The following RBFOX1 variants were observed in gnomAD, a reference collection of about 807,000 sequenced individuals.
RBFOX1 encodes the protein RNA binding protein fox-1 homolog 1.
In RBFOX1, 8 loss-of-function variants were observed where a neutral mutation model predicts 57.7. The ratio of observed to expected loss-of-function variants is 0.14; its 90% CI spans 0.08 to 0.25. The LOEUF (loss-of-function observed/expected upper bound fraction) is 0.25, where lower values mean the gene tolerates loss of function less well. Among genes scored for constraint, RBFOX1 ranks in the 10% least tolerant of loss-of-function variants. The pLI, the probability that RBFOX1 is intolerant of heterozygous loss-of-function variation, is 1.00. For missense variants in RBFOX1, 611 were observed against 548.5 expected, an observed-to-expected ratio of 1.11 and a Z score of -1.14; for synonymous variants, 326 against 222.4, an observed-to-expected ratio of 1.47 and a Z score of -4.15.
At chr16:6,421,685 A>G (rs930958214) in intron 2 of RBFOX1, among the ~76,000 whole-genome samples, 7 of 152,180 alleles carry the variant, frequency 4.6e-5, no homozygotes, top group Non-Finnish European at 7.3e-5. Flanking sequence ...GATCACACAC[A>G]CAAAAAATGA....
chr16:6,964,847 C>T (rs78836546), intron 3 of RBFOX1, among the ~76,000 whole-genome samples: 24,242 of 152,062 alleles, frequency 0.16, 2,307 homozygotes, highest in African/African-American at 0.26. Context: ...AATCCCTGCT[C>T]CCAGCTCCTT....
At chr16:6,992,177 T>C (rs892288374) in intron 3 of RBFOX1, among the ~76,000 whole-genome samples, 9 of 151,724 alleles carry the variant, frequency 5.9e-5, no homozygotes, top group African/African-American at 2.2e-4. Flanking sequence ...TTTTTTGTTT[T>C]TTTTGAGATG....
intron 4 of RBFOX1, among the ~76,000 whole-genome samples, chr16:5,951,403 G>A (rs2059517365): frequency 2.0e-5 from 3 of 152,096 alleles, no homozygotes; most frequent in African/African-American, 7.2e-5. Flanking sequence ...AGTCGAGATG[G>A]CACCACTGCA....
intron 3 of RBFOX1, among the ~76,000 whole-genome samples, chr16:6,997,751 T>C (rs2092392676): frequency 6.6e-6 from 1 of 152,212 alleles, no homozygotes; most frequent in Admixed American, 6.5e-5. Context: ...ATATTAACTT[T>C]GTTGTTCTCA....
chr16:6,566,854 A>G (rs1275700125), intron 2 of RBFOX1, among the ~76,000 whole-genome samples: 1 of 152,160 alleles, frequency 6.6e-6, no homozygotes, highest in African/African-American at 2.4e-5. Context: ...TGATATTGAG[A>G]TGCTAGATTT....
intron 2 of RBFOX1, among the ~76,000 whole-genome samples, chr16:6,613,655 A>C (rs1331591840): frequency 6.6e-6 from 1 of 152,240 alleles, no homozygotes; most frequent in East Asian, 1.9e-4. Context: ...TTGTAGAGTA[A>C]CATAAGTAGT....
chr16:7,037,112 T>A (rs574368465), intron 3 of RBFOX1, among the ~76,000 whole-genome samples: 1 of 152,238 alleles, frequency 6.6e-6, no homozygotes, highest in East Asian at 1.9e-4. Flanking sequence ...TACTGCAAAC[T>A]GTTCTATCAG....
At chr16:5,856,187 C>CTATATATATATATATATATA (rs1200113050) in intron 3 of RBFOX1, among the ~76,000 whole-genome samples, 1 of 31,064 alleles carries the variant, frequency 3.2e-5, no homozygotes, top group Non-Finnish European at 5.6e-5. Context: ...CTCTCTCTCT[C>CTATATATATATATATATATA]TATATATATA....
intron 4 of RBFOX1, among the ~76,000 whole-genome samples, chr16:7,059,510 G>C (rs1311140711): frequency 6.6e-6 from 1 of 152,158 alleles, no homozygotes; most frequent in Non-Finnish European, 1.5e-5. Flanking sequence ...TAGTGGAAAA[G>C]ACATGCATTT....
intron 4 of RBFOX1, among the ~76,000 whole-genome samples, chr16:5,930,615 T>G (rs1167551804): frequency 5.6e-5 from 5 of 89,558 alleles, no homozygotes; most frequent in Non-Finnish European, 6.4e-5. Context: ...GGTGGCAGGG[T>G]GGATGGATGC....
Position 7,000,596 on chromosome 16 carries a change from C to CTT in RBFOX1, c.-15-51441_-15-51440dup, listed in dbSNP as rs759103545. The stretch of plus-strand genomic sequence containing the variant: ...TTTCTTTTTTTCTTTCTTTTTCTTT[C>CTT]TTTTTTTTTTTTTTTTTTTTTGAGA... On this transcript the variant is annotated intron_variant, in intron 3 of 15. Transcript: ENST00000550418. Among the ~76,000 whole-genome samples, 556 of 92,556 alleles carry CTT rather than the reference C, an allele frequency of 6.0e-3. 29 individuals carry two copies. Among genetic ancestry groups the CTT allele is most frequent in the Middle Eastern group, 0.023 (3 of 130 alleles). 60.7% of individuals were successfully genotyped at this position (92,556 alleles called of 152,430 possible).
intron 3 of RBFOX1, among the ~76,000 whole-genome samples, chr16:6,981,719 G>A (rs895195094): frequency 6.6e-6 from 1 of 152,068 alleles, no homozygotes; most frequent in South Asian, 2.1e-4. Flanking sequence ...AGTATCCTGA[G>A]AACAGCACAT....
chr16:6,889,708 G>T lies in RBFOX1; in HGVS notation c.-15-162349G>T, dbSNP rs74648110. ...AATGGTTGTTTAATAAATTCTTGAAGAGCTATATTGAAATTGGTTTGTGTA... is the reference window on the plus strand; with the variant it reads ...AATGGTTGTTTAATAAATTCTTGAATAGCTATATTGAAATTGGTTTGTGTA... On this transcript the variant is annotated intron_variant, in intron 3 of 15. Coordinates refer to ENST00000550418, the MANE Select transcript of RBFOX1 (RefSeq NM_018723.4). Among the ~76,000 whole-genome samples, 907 of 152,184 alleles carry T rather than the reference G, an allele frequency of 6.0e-3. 14 individuals carry two copies. The highest frequency in any genetic ancestry group is 0.021 in the African/African-American group (858 of 41,496).
At chr16:5,291,048 A>C (rs1052549500) in intron 1 of RBFOX1, among the ~76,000 whole-genome samples, 20 of 152,196 alleles carry the variant, frequency 1.3e-4, no homozygotes, top group Non-Finnish European at 2.5e-4. Context: ...CCTGCAGGGC[A>C]AGCGAGAGAA....
chr16:7,460,071 A>C (rs2059253046), intron 4 of RBFOX1, among the ~76,000 whole-genome samples: 1 of 152,072 alleles, frequency 6.6e-6, no homozygotes. Context: ...GGGTTAGATA[A>C]TTCAGTTAAT....
At chr16:6,951,708 C>G (rs1295034612) in intron 3 of RBFOX1, among the ~76,000 whole-genome samples, 1 of 152,072 alleles carries the variant, frequency 6.6e-6, no homozygotes, top group African/African-American at 2.4e-5. Flanking sequence ...CACCCAGATT[C>G]AAGGAGAGAC....
intron 3 of RBFOX1, among the ~76,000 whole-genome samples, chr16:6,657,583 C>T (rs17665814): frequency 0.4 from 60,028 of 151,958 alleles, 13,011 homozygotes; most frequent in South Asian, 0.5. Flanking sequence ...TAGGAAATTT[C>T]ACCACTGGAG....
chr16:6,618,869 C>T (rs1418094427), intron 2 of RBFOX1, among the ~76,000 whole-genome samples: 1 of 152,202 alleles, frequency 6.6e-6, no homozygotes, highest in South Asian at 2.1e-4. Context: ...CCTGTGTTCA[C>T]TCTTGTTGTT....
At chr16:5,979,245 A>G (rs1042834274) in intron 4 of RBFOX1, among the ~76,000 whole-genome samples, 1 of 151,952 alleles carries the variant, frequency 6.6e-6, no homozygotes, top group African/African-American at 2.4e-5. Flanking sequence ...GGAATGGAGG[A>G]TTTTTTCTTG....
Sources: allele counts gnomAD v4.1 joint callset (sites outside exome capture counted in the v4.1 genomes callset), GRCh38; gene constraint gnomAD v4.1.1; transcripts MANE v1.5; gene names NCBI Gene and HGNC (gene_info 2026-07-23, HGNC 2026-07-21).